CDIN1: variants seen among roughly 807,000 people sequenced by gnomAD.
CDIN1 encodes CDAN1 interacting nuclease 1.
Under a neutral mutation model 45.3 loss-of-function variants are expected in CDIN1, and 33 were observed. That is an observed-to-expected ratio of 0.73 (90% CI 0.55 to 0.97). CDIN1 has a LOEUF of 0.97. CDIN1 is among the 50% of genes least tolerant of loss of function. The pLI is 0.00. For missense variants in CDIN1, 303 were observed against 339.4 expected, an observed-to-expected ratio of 0.89 and a Z score of 0.84; for synonymous variants, 118 against 124.4, an observed-to-expected ratio of 0.95 and a Z score of 0.34.
rs144944615 is a variant in CDIN1, at chr15:36,781,428, A to G, written c.717-26896A>G. Among the ~76,000 whole-genome samples the G allele has an allele frequency of 1.1e-4, 17 of 152,322 alleles. No individual in the cohort carries two copies. In the South Asian group the frequency reaches 3.1e-3, roughly 28 times the overall value. ...CAGTTTATCCAAGGTCACACAGCCA[A>G]TTACAGTCAGGGTCACACTTGGAGC... is the stretch of plus-strand genomic sequence containing the variant. On this transcript the variant is annotated intron_variant, in intron 10 of 10. Transcript: ENST00000566621.
intron 8 of CDIN1, among the ~76,000 whole-genome samples, chr15:36,698,950 A>C (rs2042535368): frequency 6.6e-6 from 1 of 152,190 alleles, no homozygotes; most frequent in Non-Finnish European, 1.5e-5. Flanking sequence ...ACCATGGCTG[A>C]CAAAAGCAAT....
chr15:36,717,693 T>C (rs2043262136), intron 10 of CDIN1, among the ~76,000 whole-genome samples: 1 of 152,126 alleles, frequency 6.6e-6, no homozygotes, highest in African/African-American at 2.4e-5. Context: ...ATTTCATACC[T>C]GGGAATGAAA....
chr15:36,780,300 A>C (rs1221374339), intron 10 of CDIN1, among the ~76,000 whole-genome samples: 1 of 152,246 alleles, frequency 6.6e-6, no homozygotes, highest in Non-Finnish European at 1.5e-5. Context: ...TGCTTGGATC[A>C]GAAAATCTCA....
At chr15:36,622,993 A>G (rs2039263603) in intron 1 of CDIN1, among the ~76,000 whole-genome samples, 1 of 152,256 alleles carries the variant, frequency 6.6e-6, no homozygotes, top group African/African-American at 2.4e-5. Flanking sequence ...TGTGCAGGGC[A>G]CACATTCAAA....
intron 10 of CDIN1, among the ~76,000 whole-genome samples, chr15:36,710,958 C>T (rs1295435824): frequency 6.6e-6 from 1 of 152,114 alleles, no homozygotes; most frequent in Non-Finnish European, 1.5e-5. Context: ...ATGATCATGA[C>T]AAAATGCTGA....
intron 1 of CDIN1, among the ~76,000 whole-genome samples, chr15:36,630,745 G>T (rs1004834079): frequency 5.9e-5 from 9 of 152,252 alleles, no homozygotes; most frequent in Middle Eastern, 3.4e-3. Flanking sequence ...TCTGGTGAGG[G>T]CTTCAGGAAG....
intron 10 of CDIN1, chr15:36,756,014 T>C (rs959760220): frequency 6.6e-6 from 3 of 455,496 alleles, no homozygotes; most frequent in African/African-American, 6.0e-5. Context: ...TTATCACCTC[T>C]GTGCTGAGTC....
At chr15:36,776,305 G>C (rs1469526999) in intron 10 of CDIN1, among the ~76,000 whole-genome samples, 1 of 152,198 alleles carries the variant, frequency 6.6e-6, no homozygotes, top group African/African-American at 2.4e-5. Flanking sequence ...AACATACATG[G>C]TGGTGATAGA....
intron 1 of CDIN1, chr15:36,619,225 C>T (rs1190448425): frequency 9.9e-6 from 13 of 1,313,282 alleles, no homozygotes; most frequent in African/African-American, 5.9e-5. Flanking sequence ...AGTGACATGA[C>T]GTAATGGCAA....
chr15:36,763,055 G>A (rs1351183704), intron 10 of CDIN1, among the ~76,000 whole-genome samples: 1 of 152,186 alleles, frequency 6.6e-6, no homozygotes, highest in Non-Finnish European at 1.5e-5. Context: ...CTAGATCCCT[G>A]AGGAATCACC....
chr15:36,722,555 C>T (rs1221088639), intron 10 of CDIN1, among the ~76,000 whole-genome samples: 2 of 152,146 alleles, frequency 1.3e-5, no homozygotes, highest in East Asian at 1.9e-4. Flanking sequence ...ATAAAGCAGG[C>T]CATATTTTGG....
chr15:36,650,151 C>T (rs1254922453), intron 3 of CDIN1, among the ~76,000 whole-genome samples: 1 of 152,188 alleles, frequency 6.6e-6, no homozygotes, highest in African/African-American at 2.4e-5. Flanking sequence ...GACAATATTT[C>T]TAAACTTTGC....
At chr15:36,673,029 T>G (rs1050546180) in intron 5 of CDIN1, among the ~76,000 whole-genome samples, 13 of 152,072 alleles carry the variant, frequency 8.5e-5, no homozygotes, top group Admixed American at 8.5e-4. Context: ...CTCTGTCAGG[T>G]GAGGAAGAGC....
Position 36,709,206 on chromosome 15 carries a change from G to A in CDIN1, c.545-17G>A. The A allele has an allele frequency of 6.3e-7, 1 of 1,584,964 alleles. No individual in the cohort carries two copies. Among genetic ancestry groups the A allele is most frequent in the Non-Finnish European group, 8.6e-7 (1 of 1,166,612 alleles). On this transcript the variant is annotated splice_polypyrimidine_tract_variant and intron_variant, in intron 8 of 10. Coordinates refer to ENST00000566621, the MANE Select transcript of CDIN1 (RefSeq NM_001321759.2). ...TTGAATAGTGTTTTAAGTAAATAGT[G>A]TTTGTTCTTCCTGTAGATGAAGATC...
chr15:36,808,967 A>G lies in CDIN1; in HGVS notation c.*514A>G. 4.4e-6 allele frequency: 2 copies of G among 455,950 alleles called. No individual in the cohort carries two copies. The highest frequency in any genetic ancestry group is 8.8e-6 in the Non-Finnish European group (2 of 226,752). 28.2% of individuals were successfully genotyped at this position (455,950 alleles called of 1,614,324 possible). ...GCAAACCTAGGAAAGCTGAAGCCAC[A>G]AAGTCCAAAGCCACCTTTGTACTCA... On this transcript the variant is annotated 3_prime_UTR_variant, in exon 11 of 11. Transcript: ENST00000566621.
chr15:36,703,584 C>T (rs999711644), intron 8 of CDIN1, among the ~76,000 whole-genome samples: 1 of 151,672 alleles, frequency 6.6e-6, no homozygotes, highest in Non-Finnish European at 1.5e-5. Context: ...AAAAATCTCC[C>T]TCTCCCTGCA....
chr15:36,799,215 T>G (rs1431060012), intron 10 of CDIN1: 1 of 118,130 alleles, frequency 8.5e-6, no homozygotes, highest in African/African-American at 2.9e-5. Context: ...ACATGAAGTG[T>G]TCTCTCGTTT....
chr15:36,780,795 G>A (rs996693957), intron 10 of CDIN1, among the ~76,000 whole-genome samples: 1 of 152,126 alleles, frequency 6.6e-6, no homozygotes, highest in Non-Finnish European at 1.5e-5. Context: ...GCCTGCTCAA[G>A]GTCAGAGAAC....
chr15:36,650,379 A>G lies in CDIN1; in HGVS notation c.213-3719A>G, dbSNP rs182813498. Among the ~76,000 whole-genome samples, 129 of 152,172 alleles carry G rather than the reference A, an allele frequency of 8.5e-4. 1 individual carries two copies. Among genetic ancestry groups the G allele is most frequent in the Non-Finnish European group, 2.2e-4 (15 of 68,016 alleles). ...ATGGAGAATTGAGGAAATTTCTTCA[A>G]TAATTCAAAAGCTTGAGAAAATTTT... On this transcript the variant is annotated intron_variant, in intron 3 of 10. Transcript: ENST00000566621.
Sources: gnomAD v4.1 joint callset for allele counts (sites outside exome capture counted in the v4.1 genomes callset) on GRCh38, gnomAD v4.1.1 for gene constraint, MANE v1.5 for transcripts, NCBI Gene and HGNC (gene_info 2026-07-23, HGNC 2026-07-21) for gene names.